The following SHLD2 variants were observed in gnomAD, a reference collection of about 807,000 sequenced individuals.
SHLD2 encodes shieldin complex subunit 2.
SHLD2 carries 30 observed loss-of-function variants against 73.2 expected under a neutral mutation model. The ratio of observed to expected loss-of-function variants is 0.41; its 90% confidence interval spans 0.31 to 0.56. The LOEUF is 0.56. Ranked by LOEUF, SHLD2 falls within the 20% of genes least tolerant of loss-of-function variation. The pLI is 0.28. For synonymous variants in SHLD2, 285 were observed against 370.1 expected (o/e 0.77, Z 2.64); for missense variants, 745 against 1,055.9 (o/e 0.71, Z 4.08).
chr10:87,152,559 T>C lies in SHLD2; in HGVS notation c.1205T>C (p.Met402Thr). The change falls in exon 3 of 10, where the codon ATG becomes ACG. Residue 402 changes from methionine (M) to threonine (T), a missense_variant. Physicochemically the swap from Met to Thr is moderately conservative, Grantham distance 81. Around this residue, in one of 5 missense-constraint regions of SHLD2, gnomAD observed 1 missense variants for 21.0 expected, o/e 0.05. Coordinates refer to ENST00000298786, the MANE Select transcript of SHLD2 (RefSeq NM_001330112.2). Reference sequence around the variant, plus strand: ...AGAGTCCTTCAAGTAGCTAAGAAAATGAAGTTGATTTCTAATGGAGGAGAT... The same window carrying C: ...AGAGTCCTTCAAGTAGCTAAGAAAACGAAGTTGATTTCTAATGGAGGAGAT... ...LSRVLQVAKKMKLISNGGDSA... is the reference protein window; with the variant it reads ...LSRVLQVAKKTKLISNGGDSA... 5 of 1,611,394 alleles carry C rather than the reference T, an allele frequency of 3.1e-6. No homozygotes were observed. Among genetic ancestry groups the C allele is most frequent in the Non-Finnish European group, 3.4e-6 (4 of 1,179,752 alleles).
chr10:87,140,980 A>C (rs1564593414), intron 2 of SHLD2, among the ~76,000 whole-genome samples: 1 of 151,984 alleles, frequency 6.6e-6, no homozygotes, highest in Non-Finnish European at 1.5e-5. Flanking sequence ...GTCTCAAAAC[A>C]AAACAAAACC....
chr10:87,185,874 TTTC>T (rs1161844418), intron 8 of SHLD2, among the ~76,000 whole-genome samples: 2 of 152,174 alleles, frequency 1.3e-5, no homozygotes, highest in African/African-American at 4.8e-5. Flanking sequence ...GCTTATTTTC[TTTC>T]TTCTTCTTTT....
chr10:87,113,165 A>T (rs1404269229), intron 2 of SHLD2, among the ~76,000 whole-genome samples: 2 of 152,122 alleles, frequency 1.3e-5, no homozygotes, highest in African/African-American at 4.8e-5. Context: ...TCTCTACTAA[A>T]AATACAAAAT....
chr10:87,166,688 A>G (rs1464451732), intron 4 of SHLD2, among the ~76,000 whole-genome samples: 1 of 152,176 alleles, frequency 6.6e-6, no homozygotes, highest in Non-Finnish European at 1.5e-5. Flanking sequence ...TTCAAGACCA[A>G]TAAGATTTTC....
intron 4 of SHLD2, among the ~76,000 whole-genome samples, chr10:87,169,107 C>A (rs1037225362): frequency 6.6e-6 from 1 of 152,064 alleles, no homozygotes; most frequent in African/African-American, 2.4e-5. Flanking sequence ...CCATGTGTTT[C>A]CATGTAAATT....
chr10:87,153,561 A>G (rs868417474), intron 3 of SHLD2, among the ~76,000 whole-genome samples: 1 of 152,228 alleles, frequency 6.6e-6, no homozygotes, highest in African/African-American at 2.4e-5. Flanking sequence ...ATAACCACCA[A>G]TAGAGTTCTA....
intron 9 of SHLD2, among the ~76,000 whole-genome samples, 165 bp downstream of exon 9, chr10:87,187,365 T>G (rs1038966104): frequency 3.3e-5 from 5 of 152,244 alleles, no homozygotes; most frequent in African/African-American, 1.2e-4. Flanking sequence ...GTTAGAAGGT[T>G]GACTTGCTTT....
chr10:87,148,755 A>G (rs1160445842), intron 2 of SHLD2, among the ~76,000 whole-genome samples: 13 of 152,184 alleles, frequency 8.5e-5, no homozygotes, highest in African/African-American at 2.7e-4. Flanking sequence ...AAAATAAAAT[A>G]AAATAAAGAT....
intron 8 of SHLD2, 118 bp from the exon 9 acceptor site, chr10:87,186,967 T>C: frequency 1.5e-6 from 1 of 651,848 alleles, no homozygotes; most frequent in African/African-American, 1.8e-5. Context: ...AGAGTTGTTT[T>C]AGGCATTCAA....
At chr10:87,104,551 T>G (rs1167467970) in intron 2 of SHLD2, among the ~76,000 whole-genome samples, 1 of 147,966 alleles carries the variant, frequency 6.8e-6, no homozygotes, top group Non-Finnish European at 1.5e-5. Flanking sequence ...AAAAAAAAAA[T>G]TAACTGTGCT....
intron 2 of SHLD2, among the ~76,000 whole-genome samples, chr10:87,106,626 CTTACT>C: frequency 6.6e-6 from 1 of 152,194 alleles, no homozygotes; most frequent in Middle Eastern, 3.2e-3. Context: ...TGTTTACTCT[CTTACT>C]AGACAGGAAG....
intron 2 of SHLD2, among the ~76,000 whole-genome samples, chr10:87,107,570 T>C (rs1482626564): frequency 1.3e-5 from 2 of 152,282 alleles, no homozygotes; most frequent in African/African-American, 4.8e-5. Context: ...TAAAGAGCTG[T>C]GGGAAAGGCA....
At chr10:87,118,007 C>G (rs928343750) in intron 2 of SHLD2, among the ~76,000 whole-genome samples, 2 of 152,162 alleles carry the variant, frequency 1.3e-5, no homozygotes, top group Non-Finnish European at 2.9e-5. Flanking sequence ...AATAAAGGCT[C>G]TGGGAAATGA....
At chr10:87,127,616 G>T (rs1844130101) in intron 2 of SHLD2, among the ~76,000 whole-genome samples, 1 of 147,288 alleles carries the variant, frequency 6.8e-6, no homozygotes, top group Admixed American at 7.0e-5. Context: ...TGAATGTTTG[G>T]GTAGACAAGG....
At chr10:87,169,311 C>T (rs1334058809) in intron 4 of SHLD2, among the ~76,000 whole-genome samples, 2 of 152,192 alleles carry the variant, frequency 1.3e-5, no homozygotes, top group Non-Finnish European at 2.9e-5. Context: ...AAGAAGAACT[C>T]AGTCTGGTAG....
chr10:87,129,081 TTTTTG>T (rs1198634714), intron 2 of SHLD2, among the ~76,000 whole-genome samples: 5 of 151,864 alleles, frequency 3.3e-5, no homozygotes, highest in African/African-American at 4.8e-5. Flanking sequence ...AATTTTTGTT[TTTTTG>T]TTTTGTTTTG....
In SHLD2 at chr10:87,169,707, C is replaced by T. The variant is rs1847451926; in HGVS notation, c.1634-771C>T. On this transcript the variant is annotated intron_variant, in intron 4 of 9. Coordinates refer to ENST00000298786, the MANE Select transcript of SHLD2 (RefSeq NM_001330112.2). ...AATTTAATCAGCAAAACTCATCAGC[C>T]TGTACATTTAAAATATATGCATGTT... is the stretch of plus-strand genomic sequence containing the variant. 1.3e-5 allele frequency among the ~76,000 whole-genome samples: 2 copies of T among 150,774 alleles called. 1 individual carries two copies. The highest frequency in any genetic ancestry group is 1.3e-4 in the Admixed American group (2 of 15,112).
intron 7 of SHLD2, among the ~76,000 whole-genome samples, chr10:87,178,809 C>T (rs1250066789): frequency 4.6e-5 from 7 of 152,168 alleles, no homozygotes; most frequent in East Asian, 1.9e-4. Flanking sequence ...CATATTCGAT[C>T]GCTACACACT....
chr10:87,131,022 A>G (rs1844390924), intron 2 of SHLD2, among the ~76,000 whole-genome samples: 1 of 152,132 alleles, frequency 6.6e-6, no homozygotes, highest in Admixed American at 6.6e-5. Flanking sequence ...TGCTGAGATC[A>G]TGTCACTGTA....
Sources: gnomAD v4.1 joint callset for allele counts (sites outside exome capture counted in the v4.1 genomes callset) on GRCh38, gnomAD v4.1.1 for gene constraint, gnomAD v4.1.1 regional missense constraint, MANE v1.5 for transcripts, NCBI Gene and HGNC (gene_info 2026-07-23, HGNC 2026-07-21) for gene names.